DOK5: variants seen among roughly 807,000 people sequenced by gnomAD.
DOK5 encodes docking protein 5, also known as downstream of tyrosine kinase 5.
DOK5 carries 27 observed loss-of-function variants against 43.3 expected under a neutral mutation model. That is an observed-to-expected ratio of 0.62 (90% CI 0.46 to 0.86). The LOEUF is 0.86. DOK5 is among the 40% of genes least tolerant of loss of function. The pLI, the probability that DOK5 is intolerant of heterozygous loss-of-function variation, is 0.00. For synonymous variants in DOK5, 146 were observed against 140.1 expected (o/e 1.04, Z -0.30); for missense variants, 373 against 392.9 (o/e 0.95, Z 0.43).
intron 7 of DOK5, among the ~76,000 whole-genome samples, chr20:54,646,039 CAGAG>C (rs1979404744): frequency 6.6e-6 from 1 of 150,842 alleles, no homozygotes; most frequent in Admixed American, 6.6e-5. Flanking sequence ...GATTTCTCTG[CAGAG>C]AGAGTGAGTT....
chr20:54,490,206 T>C (rs1415549247), intron 1 of DOK5, among the ~76,000 whole-genome samples: 1 of 152,310 alleles, frequency 6.6e-6, no homozygotes, highest in South Asian at 2.1e-4. Context: ...TCCTGGGAAA[T>C]GGCTCAATGG....
intron 5 of DOK5, among the ~76,000 whole-genome samples, chr20:54,607,067 T>C (rs988078798): frequency 6.6e-6 from 1 of 152,222 alleles, no homozygotes; most frequent in Non-Finnish European, 1.5e-5. Flanking sequence ...GTCTTGCTTC[T>C]CTTAAACATA....
chr20:54,510,677 C>A (rs780823350), intron 1 of DOK5, among the ~76,000 whole-genome samples: 1 of 152,132 alleles, frequency 6.6e-6, no homozygotes, highest in Non-Finnish European at 1.5e-5. Flanking sequence ...GTTGGCCCAG[C>A]CCCCGCTGCC....
In DOK5 at chr20:54,643,430, C is replaced by T. The variant is rs377048156; in HGVS notation, c.736-28C>T. The T allele has an allele frequency of 3.0e-4, 488 of 1,611,030 alleles. 1 individual carries two copies. The highest frequency in any genetic ancestry group is 3.6e-4 in the Non-Finnish European group (422 of 1,179,114). Reference sequence around the variant, plus strand: ...CCACTTTCGGCCCCAGTGTTGCTGACGCACAACTTTCTTCCCTTTGGCTGC... The same window carrying T: ...CCACTTTCGGCCCCAGTGTTGCTGATGCACAACTTTCTTCCCTTTGGCTGC... On this transcript the variant is annotated intron_variant, in intron 6 of 7. Transcript: ENST00000262593.
At chr20:54,494,108 G>T (rs1982298134) in intron 1 of DOK5, among the ~76,000 whole-genome samples, 1 of 152,264 alleles carries the variant, frequency 6.6e-6, no homozygotes, top group South Asian at 2.1e-4. Context: ...CAAGGGCACA[G>T]CTTGTCTCAC....
intron 1 of DOK5, among the ~76,000 whole-genome samples, chr20:54,500,578 T>TTTTTTA (rs1982556871): frequency 1.3e-5 from 2 of 149,086 alleles, no homozygotes; most frequent in African/African-American, 5.0e-5. Context: ...TTTTTTTTTT[T>TTTTTTA]GAGATGGAGT....
intron 1 of DOK5, among the ~76,000 whole-genome samples, chr20:54,517,862 C>T (rs539555713): frequency 4.8e-4 from 73 of 152,318 alleles, no homozygotes; most frequent in African/African-American, 1.7e-3. Context: ...TGTCTATGGA[C>T]CATGAAATGG....
At chr20:54,585,053 C>G (rs1433897782) in intron 2 of DOK5, among the ~76,000 whole-genome samples, 2 of 152,020 alleles carry the variant, frequency 1.3e-5, no homozygotes, top group African/African-American at 4.8e-5. Flanking sequence ...TACTTTATTA[C>G]TAAATTACTA....
chr20:54,631,276 AG>A (rs1248180792), intron 6 of DOK5, among the ~76,000 whole-genome samples: 4 of 152,122 alleles, frequency 2.6e-5, no homozygotes, highest in Non-Finnish European at 4.4e-5. Context: ...AGCCAGGCAT[AG>A]TGGCACATGC....
chr20:54,572,384 G>A (rs1010488451), intron 2 of DOK5, among the ~76,000 whole-genome samples: 5 of 151,966 alleles, frequency 3.3e-5, no homozygotes, highest in Admixed American at 6.6e-5. Context: ...GGATGGTCTC[G>A]ATCTCCTGAC....
chr20:54,561,814 G>A (rs1417663933), intron 2 of DOK5, among the ~76,000 whole-genome samples: 1 of 152,124 alleles, frequency 6.6e-6, no homozygotes, highest in Non-Finnish European at 1.5e-5. Context: ...GCGCCACCAA[G>A]TCCGGCTAAT....
intron 6 of DOK5, among the ~76,000 whole-genome samples, chr20:54,637,257 T>TA (rs1190962444): frequency 1.3e-5 from 2 of 152,228 alleles, no homozygotes; most frequent in Non-Finnish European, 2.9e-5. Context: ...TTGATTGCTT[T>TA]AAGTATTTTA....
intron 1 of DOK5, among the ~76,000 whole-genome samples, chr20:54,528,857 A>G (rs1983668731): frequency 6.6e-6 from 1 of 152,202 alleles, no homozygotes; most frequent in African/African-American, 2.4e-5. Flanking sequence ...GTTAAAAAAA[A>G]AGCAGAGGGA....
chr20:54,638,752 C>CTTTTTTTTTTT (rs11476340), intron 6 of DOK5, among the ~76,000 whole-genome samples: 8 of 98,532 alleles, frequency 8.1e-5, no homozygotes, highest in Non-Finnish European at 1.3e-4. Flanking sequence ...CTTTTCTTTT[C>CTTTTTTTTTTT]TTTTTTTTTT....
At chr20:54,551,190 C>T (rs920132230) in intron 1 of DOK5, among the ~76,000 whole-genome samples, 8 of 152,178 alleles carry the variant, frequency 5.3e-5, no homozygotes, top group Non-Finnish European at 1.2e-4. Context: ...TGAACATCTG[C>T]GCACCCTCTC....
chr20:54,626,269 G>A (rs977785967), intron 6 of DOK5, among the ~76,000 whole-genome samples: 1 of 151,938 alleles, frequency 6.6e-6, no homozygotes, highest in Non-Finnish European at 1.5e-5. Flanking sequence ...GGAAAGAGCG[G>A]AGGTTTTTAG....
At chr20:54,543,640 G>A (rs6098064) in intron 1 of DOK5, among the ~76,000 whole-genome samples, 36,510 of 151,350 alleles carry the variant, frequency 0.24, 7,189 homozygotes, top group African/African-American at 0.55. Flanking sequence ...AGAGGATTAC[G>A]TATAGCTCAA....
chr20:54,542,834 T>C (rs1261867232), intron 1 of DOK5, among the ~76,000 whole-genome samples: 2 of 152,186 alleles, frequency 1.3e-5, no homozygotes, highest in East Asian at 1.9e-4. Flanking sequence ...AGAAACACTT[T>C]AGGTAAAGGA....
intron 6 of DOK5, among the ~76,000 whole-genome samples, chr20:54,632,602 A>T (rs570255502): frequency 6.6e-6 from 1 of 152,178 alleles, no homozygotes; most frequent in Admixed American, 6.5e-5. Context: ...AGGGTCATGC[A>T]GCTATTAGTG....
Sources: allele counts gnomAD v4.1 joint callset (sites outside exome capture counted in the v4.1 genomes callset), GRCh38; gene constraint gnomAD v4.1.1; transcripts MANE v1.5; gene names NCBI Gene and HGNC (gene_info 2026-07-23, HGNC 2026-07-21).